Variants in GULP1 observed in about 807,000 individuals in gnomAD.
GULP1 encodes PTB domain-containing engulfment adapter protein 1.
A neutral mutation model predicts 40.9 loss-of-function variants in GULP1; 19 were observed. That is an observed-to-expected ratio of 0.46 (90% CI 0.32 to 0.68). The LOEUF (loss-of-function observed/expected upper bound fraction) is 0.68. GULP1 is among the 30% of genes least tolerant of loss of function. GULP1 has a pLI of 0.03. For synonymous variants in GULP1, 119 were observed against 117.6 expected, an observed-to-expected ratio of 1.01 and a Z score of -0.08; for missense variants, 312 against 362.2, an observed-to-expected ratio of 0.86 and a Z score of 1.12.
At chr2:188,328,731 C>A (rs570518945) in intron 1 of GULP1, among the ~76,000 whole-genome samples, 35 of 152,192 alleles carry the variant, frequency 2.3e-4, no homozygotes, top group African/African-American at 8.4e-4. Flanking sequence ...CAAGGAATTG[C>A]AGATTCACCT....
chr2:188,501,888 T>A (rs2063467155), intron 4 of GULP1, among the ~76,000 whole-genome samples: 1 of 151,942 alleles, frequency 6.6e-6, no homozygotes, highest in Admixed American at 6.6e-5. Flanking sequence ...TTCCAAAACA[T>A]ATCAGCCAGG....
chr2:188,462,775 A>G (rs886181316), intron 2 of GULP1, among the ~76,000 whole-genome samples: 3 of 151,726 alleles, frequency 2.0e-5, no homozygotes, highest in Admixed American at 6.6e-5. Context: ...TTGTATATTC[A>G]TTATATATTT....
intron 2 of GULP1, among the ~76,000 whole-genome samples, chr2:188,406,529 T>A (rs1000141050): frequency 2.0e-5 from 3 of 151,942 alleles, no homozygotes; most frequent in African/African-American, 4.8e-5. Context: ...AACTAATTTT[T>A]AAAAAACATA....
intron 7 of GULP1, among the ~76,000 whole-genome samples, chr2:188,568,270 C>T (rs1698253178): frequency 6.6e-6 from 1 of 152,086 alleles, no homozygotes; most frequent in African/African-American, 2.4e-5. Context: ...ATATATATTA[C>T]TACTAGTCTT....
intron 2 of GULP1, among the ~76,000 whole-genome samples, chr2:188,397,414 G>T (rs2051439545): frequency 6.6e-6 from 1 of 152,134 alleles, no homozygotes; most frequent in South Asian, 2.1e-4. Flanking sequence ...GTGTGGGCTT[G>T]TCTACTATAC....
intron 1 of GULP1, among the ~76,000 whole-genome samples, chr2:188,329,502 A>G (rs2041254966): frequency 6.6e-6 from 1 of 152,136 alleles, no homozygotes; most frequent in Non-Finnish European, 1.5e-5. Context: ...GGAATGTTGG[A>G]TTGACAATGA....
chr2:188,495,048 A>G (rs1306959549), intron 4 of GULP1, among the ~76,000 whole-genome samples: 17 of 151,960 alleles, frequency 1.1e-4, no homozygotes, highest in Admixed American at 1.1e-3. Flanking sequence ...TATTTTGTAA[A>G]TTGCTTATTT....
rs542179126 is a variant in GULP1 at position 188,554,976 on chromosome 2, G to A, written c.399+13658G>A. 2.0e-5 allele frequency among the ~76,000 whole-genome samples: 3 copies of A among 151,698 alleles called. No homozygotes were observed. In the South Asian group the frequency reaches 6.2e-4, roughly 32 times the overall value. On this transcript the variant is annotated intron_variant, in intron 7 of 11. Transcript: ENST00000409830. ...GTACAGCTATTTCTGCTTGCTTTTG[G>A]TTTTCATCTGTGTAGAATATCTTTT...
At chr2:188,418,616 G>A (rs1012272653) in intron 2 of GULP1, among the ~76,000 whole-genome samples, 9 of 152,156 alleles carry the variant, frequency 5.9e-5, no homozygotes, top group African/African-American at 2.2e-4. Flanking sequence ...CTGGGGAATA[G>A]AGCCAGACAA....
At chr2:188,451,229 T>C (rs1014871588) in intron 2 of GULP1, among the ~76,000 whole-genome samples, 2 of 152,232 alleles carry the variant, frequency 1.3e-5, no homozygotes, top group Non-Finnish European at 2.9e-5. Flanking sequence ...CTGACCAATG[T>C]TGGCATGATC....
intron 2 of GULP1, among the ~76,000 whole-genome samples, chr2:188,431,609 G>T (rs2056883352): frequency 6.6e-6 from 1 of 151,920 alleles, no homozygotes; most frequent in Non-Finnish European, 1.5e-5. Context: ...TTAATCTCTA[G>T]GAAGACTAAG....
chr2:188,379,579 G>A (rs1208704520), intron 1 of GULP1, among the ~76,000 whole-genome samples: 3 of 151,974 alleles, frequency 2.0e-5, no homozygotes, highest in Non-Finnish European at 2.9e-5. Context: ...CTTCAGAGCC[G>A]CCTTGGCAAT....
At chr2:188,412,256 C>A (rs890394613) in intron 2 of GULP1, among the ~76,000 whole-genome samples, 5 of 152,124 alleles carry the variant, frequency 3.3e-5, no homozygotes, top group Non-Finnish European at 5.9e-5. Context: ...CGTGAGAACT[C>A]ACTCACTTTC....
intron 9 of GULP1, among the ~76,000 whole-genome samples, chr2:188,571,399 T>G (rs1699004530): frequency 6.6e-6 from 1 of 152,072 alleles, no homozygotes; most frequent in African/African-American, 2.4e-5. Context: ...AAAAAATGAT[T>G]TTTCCTGTAA....
chr2:188,352,006 A>T (rs1247735159), intron 1 of GULP1, among the ~76,000 whole-genome samples: 1 of 152,102 alleles, frequency 6.6e-6, no homozygotes, highest in African/African-American at 2.4e-5. Context: ...TGCCAGAGAA[A>T]ATCTGAGTTT....
chr2:188,499,251 A>G (rs963234441), intron 4 of GULP1, among the ~76,000 whole-genome samples: 1 of 149,960 alleles, frequency 6.7e-6, no homozygotes, highest in South Asian at 2.1e-4. Context: ...ATGTTGACAA[A>G]GCATCTTTCA....
chr2:188,453,600 A>T (rs190344675), intron 2 of GULP1, among the ~76,000 whole-genome samples: 1 of 152,304 alleles, frequency 6.6e-6, no homozygotes, highest in East Asian at 1.9e-4. Context: ...TTGGCTTTTC[A>T]TTGAGTAAAG....
At chr2:188,381,375 G>A (rs1382199543) in intron 1 of GULP1, among the ~76,000 whole-genome samples, 3 of 151,784 alleles carry the variant, frequency 2.0e-5, no homozygotes, top group Admixed American at 6.6e-5. Context: ...TTCAGTCAAC[G>A]TAAGATAAAA....
At chr2:188,572,167 AGT>A (rs556514980) in intron 9 of GULP1, among the ~76,000 whole-genome samples, 167 of 152,324 alleles carry the variant, frequency 1.1e-3, no homozygotes, top group African/African-American at 3.9e-3. Context: ...CCCTTGCTTC[AGT>A]GTCTTTGACC....
Sources: gnomAD v4.1 joint callset for allele counts (sites outside exome capture counted in the v4.1 genomes callset) on GRCh38, gnomAD v4.1.1 for gene constraint, MANE v1.5 for transcripts, NCBI Gene and HGNC (gene_info 2026-07-23, HGNC 2026-07-21) for gene names.